LDLRAD4: variants seen among roughly 807,000 people sequenced by gnomAD.
The protein encoded by LDLRAD4 is low-density lipoprotein receptor class A domain-containing protein 4.
In LDLRAD4, 5 loss-of-function variants were observed where a neutral mutation model predicts 17.0. The observed-to-expected ratio is 0.29, with a 90% CI of 0.15 to 0.62. LDLRAD4 has a LOEUF of 0.62. Ranked by LOEUF, LDLRAD4 falls within the 20% of genes least tolerant of loss-of-function variation. The pLI, the probability that LDLRAD4 is intolerant of heterozygous loss-of-function variation, is 0.84. For synonymous variants in LDLRAD4, 168 were observed against 171.8 expected, an observed-to-expected ratio of 0.98 and a Z score of 0.17; for missense variants, 340 against 424.7, an observed-to-expected ratio of 0.80 and a Z score of 1.75.
At chr18:13,217,967 TCCCCGCCGGCCCGCCGCGCGCC>T, upstream of LDLRAD4, 1 of 144,610 alleles carries the variant, frequency 6.9e-6, no homozygotes, top group Non-Finnish European at 1.5e-5. This position sits in a 1 kb window ranked among gnomAD's most constrained non-coding sequence, Gnocchi z 4.9. Flanking sequence ...CGCGCCGCGC[TCCCCGCCGGCCCGCCGCGCGCC>T]CCCTGCCGCG....
intron 3 of LDLRAD4, among the ~76,000 whole-genome samples, chr18:13,525,362 C>T (rs759651585): frequency 2.7e-4 from 41 of 152,234 alleles, no homozygotes; most frequent in Non-Finnish European, 5.0e-4. Flanking sequence ...TGAGTCCATT[C>T]TGCAAATCTC....
chr18:13,455,990 CCGCCATGTCCCG>C (rs2092111967), intron 3 of LDLRAD4, among the ~76,000 whole-genome samples: 1 of 152,118 alleles, frequency 6.6e-6, no homozygotes, highest in Non-Finnish European at 1.5e-5. Context: ...GCAGGAGCGC[CCGCCATGTCCCG>C]CGCTGTCTGC....
At chr18:13,567,742 CT>C (rs1008450838) in intron 3 of LDLRAD4, among the ~76,000 whole-genome samples, 6 of 99,808 alleles carry the variant, frequency 6.0e-5, no homozygotes, top group Non-Finnish European at 1.3e-4. Context: ...GCTATGAGAA[CT>C]TTTTTTGTTA....
At chr18:13,308,670 G>A (rs140185575) in intron 1 of LDLRAD4, among the ~76,000 whole-genome samples, 200 of 152,354 alleles carry the variant, frequency 1.3e-3, no homozygotes, top group African/African-American at 4.7e-3. Flanking sequence ...GAGGCTGCGC[G>A]TGTTTCACAT....
intron 1 of LDLRAD4, among the ~76,000 whole-genome samples, chr18:13,344,741 A>G (rs142785571): frequency 0.012 from 1,812 of 152,236 alleles, 36 homozygotes; most frequent in African/African-American, 0.041. Context: ...ATTTGTTTGT[A>G]TCCTCTTTTA....
chr18:13,577,921 A>G (rs1200731849), intron 3 of LDLRAD4, among the ~76,000 whole-genome samples: 1 of 152,182 alleles, frequency 6.6e-6, no homozygotes, highest in Non-Finnish European at 1.5e-5. Flanking sequence ...TTCTCGTGCT[A>G]TATCTAAAAC....
intron 3 of LDLRAD4, chr18:13,462,246 A>C (rs538022396): frequency 6.6e-6 from 1 of 152,418 alleles, no homozygotes; most frequent in Admixed American, 6.5e-5. Flanking sequence ...GACAGAAAGA[A>C]CACTGTTACC....
At chr18:13,584,281 C>T (rs1000564125) in intron 3 of LDLRAD4, among the ~76,000 whole-genome samples, 1 of 152,230 alleles carries the variant, frequency 6.6e-6, no homozygotes, top group African/African-American at 2.4e-5. Context: ...CTCTTTCTGT[C>T]ATCTGACTAA....
intron 3 of LDLRAD4, among the ~76,000 whole-genome samples, chr18:13,447,431 T>C (rs1166487058): frequency 6.6e-6 from 1 of 151,916 alleles, no homozygotes. Flanking sequence ...GGGTCTTAAA[T>C]GGTAATTCTG....
intron 2 of LDLRAD4, among the ~76,000 whole-genome samples, chr18:13,410,099 G>A (rs529514489): frequency 2.6e-5 from 4 of 152,226 alleles, no homozygotes; most frequent in Admixed American, 2.6e-4. Flanking sequence ...ATCGAAGGAC[G>A]TTCTGCAAAA....
intron 2 of LDLRAD4, among the ~76,000 whole-genome samples, chr18:13,401,147 G>A (rs1234456977): frequency 6.6e-6 from 1 of 152,152 alleles, no homozygotes; most frequent in Non-Finnish European, 1.5e-5. Flanking sequence ...GGAAAGAGCA[G>A]CCAGGGCAGA....
intron 3 of LDLRAD4, among the ~76,000 whole-genome samples, chr18:13,463,439 G>A (rs1027652645): frequency 1.3e-5 from 2 of 152,150 alleles, no homozygotes; most frequent in Non-Finnish European, 2.9e-5. Context: ...CATTCCCTTC[G>A]TTGCCCTAAG....
At position 13,481,945 on chromosome 18, in the gene LDLRAD4, G is replaced by A. The variant is rs758514715; in HGVS notation, c.181+43561G>A. Among the ~76,000 whole-genome samples, 6 of 152,264 alleles carry A rather than the reference G, an allele frequency of 3.9e-5. No homozygotes were observed. The East Asian group carries it at 7.7e-4, about 20-fold the overall frequency. The stretch of plus-strand genomic sequence containing the variant: ...CTCACAGGGCAGGAGGGCAGAGGGC[G>A]GAGCAGGGCTGGAGTGGGGCTGGGG... On this transcript the variant is annotated intron_variant, in intron 3 of 5. Transcript: ENST00000359446.
At chr18:13,279,507 G>C (rs187585344) in intron 1 of LDLRAD4, 1 of 152,336 alleles carries the variant, frequency 6.6e-6, no homozygotes, top group African/African-American at 2.4e-5. Flanking sequence ...AATTTTACTA[G>C]GTAGCGGAAC....
In LDLRAD4 at chr18:13,367,207, A is replaced by G. The variant is rs986954525; in HGVS notation, c.-382-20134A>G. Among the ~76,000 whole-genome samples the G allele has an allele frequency of 2.0e-5, 3 of 152,134 alleles. No individual in the cohort carries two copies. Among genetic ancestry groups the G allele is most frequent in the African/African-American group, 7.2e-5 (3 of 41,424 alleles). Reference sequence around the variant, plus strand: ...TCCCCTCCAGCCCCACTCCGTTACAACCAGTGGAGGTGGAACTTGGAATCT... The same window carrying G: ...TCCCCTCCAGCCCCACTCCGTTACAGCCAGTGGAGGTGGAACTTGGAATCT... On this transcript the variant is annotated intron_variant, in intron 1 of 5. Transcript: ENST00000359446. This position sits in a 1 kb window ranked among gnomAD's most constrained non-coding sequence, Gnocchi z 4.1.
At position 13,643,358 on chromosome 18, in the gene LDLRAD4, G is replaced by A; in HGVS notation, c.337-1G>A. The A allele has an allele frequency of 6.8e-7, 1 of 1,464,536 alleles. No individual in the cohort carries two copies. Among genetic ancestry groups the A allele is most frequent in the Non-Finnish European group, 9.1e-7 (1 of 1,103,236 alleles). The allele number at this position is 1,464,536 out of a possible 1,614,324, so 90.7% of individuals were successfully genotyped here. ...ACTCTCCTCCCCTTCCCCTCCGCCA[G>A]GAAGGGTGCCTGTGGCCTTCAGACA... On this transcript the variant is annotated splice_acceptor_variant, in intron 4 of 5. Transcript: ENST00000359446. LOFTEE classifies it high-confidence loss of function.
chr18:13,281,891 G>A (rs2045303815), intron 1 of LDLRAD4, among the ~76,000 whole-genome samples: 1 of 152,150 alleles, frequency 6.6e-6, no homozygotes, highest in South Asian at 2.1e-4. Context: ...CCGGATTCAT[G>A]CTGCTGATAA....
At chr18:13,293,541 A>C (rs957199673) in intron 1 of LDLRAD4, among the ~76,000 whole-genome samples, 3 of 152,220 alleles carry the variant, frequency 2.0e-5, no homozygotes, top group Non-Finnish European at 2.9e-5. Flanking sequence ...AGTTGGGCAA[A>C]AATATCGGAA....
At chr18:13,536,591 C>T (rs143760782) in intron 3 of LDLRAD4, among the ~76,000 whole-genome samples, 1 of 151,852 alleles carries the variant, frequency 6.6e-6, no homozygotes, top group African/African-American at 2.4e-5. Context: ...TTTTTCCCAG[C>T]CTGTATGCCT....
Sources: allele counts gnomAD v4.1 joint callset (sites outside exome capture counted in the v4.1 genomes callset), GRCh38; gene constraint gnomAD v4.1.1; non-coding constraint Gnocchi (gnomAD v3.1); transcripts MANE v1.5; gene names NCBI Gene and HGNC (gene_info 2026-07-23, HGNC 2026-07-21).